IL5RA: variants seen among roughly 807,000 people sequenced by gnomAD.
IL5RA encodes interleukin-5 receptor subunit alpha.
A neutral mutation model predicts 50.0 loss-of-function variants in IL5RA; 49 were observed. The ratio of observed to expected loss-of-function variants is 0.98; its 90% confidence interval spans 0.78 to 1.24. IL5RA has a LOEUF of 1.24. IL5RA is among the 50% of genes most tolerant of loss of function. The pLI is 0.00. For synonymous variants in IL5RA, 202 were observed against 174.0 expected (o/e 1.16, Z -1.26); for missense variants, 600 against 500.4 (o/e 1.20, Z -1.90).
At chr3:3,089,558 A>G (rs541196492) in intron 9 of IL5RA, among the ~76,000 whole-genome samples, 34 of 152,238 alleles carry the variant, frequency 2.2e-4, no homozygotes, top group Non-Finnish European at 3.5e-4. Context: ...TACTCTTCCA[A>G]TGGTTGATGA....
chr3:3,103,911 A>G (rs1703778789), intron 3 of IL5RA, among the ~76,000 whole-genome samples: 1 of 152,244 alleles, frequency 6.6e-6, no homozygotes. Context: ...GGATTTATCC[A>G]TTGACCTTAA....
Position 3,074,851 on chromosome 3 carries a change from G to A in IL5RA, c.1107C>T (p.Ile369=). ...GTGCTGGAATTGGTGGAAACAACTT[G>A]ATCCATAAATGACATCTGAAAACAG... ...SLICKICHLW[I]KLFPPIPAPK... Residue 369 remains isoleucine, a synonymous_variant, in exon 11 of 12, where the codon ATC becomes ATT. Coordinates refer to ENST00000446632, the MANE Select transcript of IL5RA (RefSeq NM_175726.4). 2 of 1,606,024 alleles carry A rather than the reference G, an allele frequency of 1.2e-6. No homozygotes were observed. Among genetic ancestry groups the A allele is most frequent in the Non-Finnish European group, 1.7e-6 (2 of 1,172,648 alleles).
chr3:3,070,404 A>G lies in IL5RA; in HGVS notation c.1177-93T>C. On this transcript the variant is annotated intron_variant, in intron 11 of 11. Transcript: ENST00000446632. ...ATTGGCTTTAAGTCTATTATTTTTT[A>G]AATAAAAATAGTAAATGTTCACAAA... The G allele has an allele frequency of 5.4e-6, 4 of 734,230 alleles. No homozygotes were observed. The Admixed American group carries it at 7.4e-5, about 14-fold the overall frequency. 45.5% of individuals were successfully genotyped at this position (734,230 alleles called of 1,614,324 possible).
rs959911473 is a variant in IL5RA at position 3,068,706 on chromosome 3, C to T, written c.*1519G>A. The T allele has an allele frequency of 5.3e-5, 8 of 152,044 alleles. No individual in the cohort carries two copies. Among genetic ancestry groups the T allele is most frequent in the African/African-American group, 1.7e-4 (7 of 41,326 alleles). 9.4% of individuals were successfully genotyped at this position (152,044 alleles called of 1,614,324 possible). The stretch of plus-strand genomic sequence containing the variant: ...CCTCCATGGGTGTTGCCTTCTCAGC[C>T]ACACCCCTAAGCAGGCCTCAGCTTT... On this transcript the variant is annotated 3_prime_UTR_variant, in exon 12 of 12. Coordinates refer to ENST00000446632, the MANE Select transcript of IL5RA (RefSeq NM_175726.4).
At chr3:3,100,021 T>G (rs1575005416) in intron 5 of IL5RA, among the ~76,000 whole-genome samples, 1 of 152,310 alleles carries the variant, frequency 6.6e-6, no homozygotes, top group African/African-American at 2.4e-5. Context: ...ATTTCTCAAA[T>G]TATGTGACTA....
intron 5 of IL5RA, among the ~76,000 whole-genome samples, chr3:3,099,689 G>A (rs1316756822): frequency 1.4e-5 from 1 of 69,396 alleles, no homozygotes; most frequent in Non-Finnish European, 3.1e-5. Context: ...ATTATTATTT[G>A]GAAACAGAGT....
intron 5 of IL5RA, among the ~76,000 whole-genome samples, chr3:3,099,686 T>TTATTATTA (rs1703549193): frequency 6.7e-6 from 1 of 149,566 alleles, no homozygotes; most frequent in Non-Finnish European, 1.5e-5. Context: ...ATTATTATTA[T>TTATTATTA]TTGGAAACAG....
At chr3:3,094,290 C>T (rs1703259280) in intron 8 of IL5RA, among the ~76,000 whole-genome samples, 1 of 152,154 alleles carries the variant, frequency 6.6e-6, no homozygotes, top group African/African-American at 2.4e-5. Context: ...CCTACCAATT[C>T]CTGGTAACCA....
intron 1 of IL5RA, among the ~76,000 whole-genome samples, chr3:3,109,490 G>A (rs1262063700): frequency 1.3e-5 from 2 of 152,152 alleles, no homozygotes; most frequent in South Asian, 2.1e-4. Context: ...CAGAATATAT[G>A]TTCTCATTTT....
intron 9 of IL5RA, among the ~76,000 whole-genome samples, chr3:3,078,895 A>G (rs140264540): frequency 6.6e-6 from 1 of 151,700 alleles, no homozygotes; most frequent in Non-Finnish European, 1.5e-5. Context: ...CAGCTCTAAC[A>G]CTGCTTTTTT....
At chr3:3,073,603 A>G (rs1702374731) in intron 11 of IL5RA, among the ~76,000 whole-genome samples, 1 of 152,246 alleles carries the variant, frequency 6.6e-6, no homozygotes, top group Admixed American at 6.5e-5. Context: ...TAAATTTGAC[A>G]AAGTGCAATA....
intron 11 of IL5RA, chr3:3,073,812 GA>G: frequency 2.2e-6 from 1 of 449,826 alleles, no homozygotes; most frequent in Admixed American, 2.5e-5. Context: ...AGATGTATAT[GA>G]AAATGCAGAG....
intron 8 of IL5RA, among the ~76,000 whole-genome samples, chr3:3,093,778 T>G (rs1324464983): frequency 6.6e-6 from 1 of 152,186 alleles, no homozygotes; most frequent in Non-Finnish European, 1.5e-5. Flanking sequence ...CAAGATTGGG[T>G]CACTCCATGG....
At chr3:3,106,377 C>G (rs1424357816) in intron 2 of IL5RA, among the ~76,000 whole-genome samples, 1 of 152,142 alleles carries the variant, frequency 6.6e-6, no homozygotes, top group East Asian at 1.9e-4. Flanking sequence ...TAAGTTGCTA[C>G]AATTACTGCT....
intron 9 of IL5RA, chr3:3,090,123 G>A (rs915816062): frequency 7.6e-7 from 1 of 1,311,662 alleles, no homozygotes; most frequent in Non-Finnish European, 1.1e-6. Flanking sequence ...CTAAGATTAT[G>A]TATTTAGCAT....
In IL5RA at chr3:3,074,856, A is replaced by T; in HGVS notation, c.1102T>A (p.Trp368Arg). The change falls in exon 11 of 12, where the codon TGG becomes AGG. Residue 368 changes from tryptophan (W) to arginine (R), a missense_variant. By Grantham distance (101) the Trp-to-Arg change is moderately radical. Coordinates refer to ENST00000446632, the MANE Select transcript of IL5RA (RefSeq NM_175726.4). The part of the protein sequence containing the change: ...LSLICKICHL[W>R]IKLFPPIPAP... ...GGAATTGGTGGAAACAACTTGATCC[A>T]TAAATGACATCTGAAAACAGAGTAA... is the stretch of plus-strand genomic sequence containing the variant. 1 of 1,603,200 alleles carries T rather than the reference A, an allele frequency of 6.2e-7. No homozygotes were observed. Among genetic ancestry groups the T allele is most frequent in the Non-Finnish European group, 8.5e-7 (1 of 1,170,036 alleles).
chr3:3,098,474 C>G (rs946089548), intron 5 of IL5RA, among the ~76,000 whole-genome samples, 184 bp from the exon 6 acceptor site: 2 of 152,120 alleles, frequency 1.3e-5, no homozygotes, highest in African/African-American at 4.8e-5. Flanking sequence ...GTGTTGCGAT[C>G]TTGGCTCACT....
chr3:3,097,633 G>C (rs1317838403), intron 7 of IL5RA, among the ~76,000 whole-genome samples: 1 of 152,142 alleles, frequency 6.6e-6, no homozygotes, highest in East Asian at 1.9e-4. Context: ...GTAGAGGCCA[G>C]AGATGCCGCT....
At chr3:3,107,467 C>CATCTTTCTTTT (rs1703982502) in intron 2 of IL5RA, among the ~76,000 whole-genome samples, 2 of 152,060 alleles carry the variant, frequency 1.3e-5, no homozygotes, top group African/African-American at 4.8e-5. Context: ...TCAACTGGGT[C>CATCTTTCTTTT]ATATTTCACT....
Sources: gnomAD v4.1 joint callset for allele counts (sites outside exome capture counted in the v4.1 genomes callset) on GRCh38, gnomAD v4.1.1 for gene constraint, MANE v1.5 for transcripts, NCBI Gene and HGNC (gene_info 2026-07-23, HGNC 2026-07-21) for gene names.